Variants in NKAIN2 observed in about 807,000 individuals in gnomAD.
NKAIN2 encodes sodium/potassium transporting ATPase interacting 2.
Under a neutral mutation model 32.6 loss-of-function variants are expected in NKAIN2, and 14 were observed. The ratio of observed to expected loss-of-function variants is 0.43; its 90% confidence interval spans 0.28 to 0.67. The LOEUF (loss-of-function observed/expected upper bound fraction) is 0.67. Among genes scored for constraint, NKAIN2 ranks in the 30% least tolerant of loss-of-function variants. NKAIN2 has a pLI of 0.17. For missense variants in NKAIN2, 198 were observed against 258.3 expected (o/e 0.77, Z 1.60); for synonymous variants, 80 against 87.2 (o/e 0.92, Z 0.46).
chr6:124,119,334 A>G (rs1785764066), intron 1 of NKAIN2, among the ~76,000 whole-genome samples: 1 of 152,200 alleles, frequency 6.6e-6, no homozygotes, highest in Admixed American at 6.5e-5. Flanking sequence ...GTACAATAAT[A>G]AATCATGTGC....
chr6:124,303,757 G>A (rs1168360555), intron 2 of NKAIN2, among the ~76,000 whole-genome samples: 1 of 152,172 alleles, frequency 6.6e-6, no homozygotes, highest in East Asian at 1.9e-4. Flanking sequence ...AAGGGGAGAA[G>A]CACCTGAGTC....
chr6:124,082,958 A>G (rs952335882), intron 1 of NKAIN2, among the ~76,000 whole-genome samples: 6 of 151,996 alleles, frequency 3.9e-5, no homozygotes, highest in Admixed American at 3.9e-4. Context: ...ATAGGTGATC[A>G]TTATGCCTTT....
At chr6:124,345,276 A>G (rs183127456) in intron 2 of NKAIN2, among the ~76,000 whole-genome samples, 8,995 of 152,112 alleles carry the variant, frequency 0.059, 491 homozygotes, top group African/African-American at 0.14. Context: ...TTCATCAAGG[A>G]TATTGGTCTA....
chr6:124,174,194 T>G (rs1789041453), intron 1 of NKAIN2, among the ~76,000 whole-genome samples: 1 of 152,084 alleles, frequency 6.6e-6, no homozygotes, highest in African/African-American at 2.4e-5. Flanking sequence ...GAAACTTACT[T>G]AAGAGAACTC....
chr6:124,120,401 TC>T (rs1331589571), intron 1 of NKAIN2, among the ~76,000 whole-genome samples: 1 of 152,180 alleles, frequency 6.6e-6, no homozygotes, highest in East Asian at 1.9e-4. Context: ...AATAATAGTA[TC>T]AAGAGTAATA....
chr6:123,892,185 A>G (rs1418036165), intron 1 of NKAIN2, among the ~76,000 whole-genome samples: 1 of 152,204 alleles, frequency 6.6e-6, no homozygotes, highest in Non-Finnish European at 1.5e-5. Context: ...ACTGCATTAC[A>G]TACTTGGCCC....
intron 1 of NKAIN2, among the ~76,000 whole-genome samples, chr6:123,884,265 C>T (rs934567633): frequency 1.3e-5 from 2 of 152,162 alleles, no homozygotes; most frequent in East Asian, 3.9e-4. Context: ...CCATCCAGTC[C>T]GTGCAAAGAA....
At chr6:124,118,326 A>C (rs895326441) in intron 1 of NKAIN2, among the ~76,000 whole-genome samples, 1 of 152,210 alleles carries the variant, frequency 6.6e-6, no homozygotes, top group African/African-American at 2.4e-5. Flanking sequence ...GGAAACTCAA[A>C]TGAAGCCGAG....
rs190112001 is a variant in NKAIN2, at chr6:123,855,872, A to G, written c.54+51618A>G. ...TAAAATGATGGCTATGTTTTGAGGA[A>G]TACTAGGTTGGCCTTATTACTTGTA... On this transcript the variant is annotated intron_variant, in intron 1 of 6. Transcript: ENST00000368417. Among the ~76,000 whole-genome samples, 26 of 152,326 alleles carry G rather than the reference A, an allele frequency of 1.7e-4. No homozygotes were observed. In the East Asian group the frequency reaches 4.6e-3, roughly 27 times the overall value.
rs146189410 is a variant in NKAIN2 at position 123,921,084 on chromosome 6, G to A, written c.54+116830G>A. Among the ~76,000 whole-genome samples the A allele has an allele frequency of 7.2e-5, 11 of 152,260 alleles. No individual in the cohort carries two copies. The East Asian group carries it at 2.1e-3, about 29-fold the overall frequency. On this transcript the variant is annotated intron_variant, in intron 1 of 6. Transcript: ENST00000368417. ...ACAGTGGACAATGGAAATAAGAGTGGAATATCAAGGCAGAGGGAAAATTCA... is the reference window on the plus strand; with the variant it reads ...ACAGTGGACAATGGAAATAAGAGTGAAATATCAAGGCAGAGGGAAAATTCA...
chr6:124,476,384 T>C (rs190230898), intron 3 of NKAIN2, among the ~76,000 whole-genome samples: 1 of 147,692 alleles, frequency 6.8e-6, no homozygotes, highest in Non-Finnish European at 1.5e-5. Flanking sequence ...TGAATTCATA[T>C]GTATGTATGT....
chr6:124,223,038 C>G (rs1227099404), intron 1 of NKAIN2, among the ~76,000 whole-genome samples: 1 of 151,632 alleles, frequency 6.6e-6, no homozygotes, highest in African/African-American at 2.4e-5. Context: ...ATGGTGAAAC[C>G]CTGTCTCTAC....
At chr6:124,051,363 A>ATAG (rs1174544267) in intron 1 of NKAIN2, among the ~76,000 whole-genome samples, 1 of 152,066 alleles carries the variant, frequency 6.6e-6, no homozygotes, top group African/African-American at 2.4e-5. Context: ...TTTTTTAATA[A>ATAG]TAGTGACTCA....
intron 1 of NKAIN2, among the ~76,000 whole-genome samples, chr6:124,083,697 G>A (rs985489245): frequency 1.3e-5 from 2 of 151,932 alleles, no homozygotes; most frequent in African/African-American, 2.4e-5. Context: ...ATTATCTGTA[G>A]CAATTGGTCT....
rs576088528 is a variant in NKAIN2 at position 124,825,408 on chromosome 6, A to T, written c.*2179A>T. 1.3e-4 allele frequency: 20 copies of T among 152,736 alleles called. No individual in the cohort carries two copies. Among genetic ancestry groups the T allele is most frequent in the African/African-American group, 4.6e-4 (19 of 41,570 alleles). The allele number at this position is 152,736 out of a possible 1,614,324, so 9.5% of individuals were successfully genotyped here. On this transcript the variant is annotated 3_prime_UTR_variant, in exon 7 of 7. Coordinates refer to ENST00000368417, the MANE Select transcript of NKAIN2 (RefSeq NM_001040214.3). Reference sequence around the variant, plus strand: ...TCAGTAAGCACAGTAGTGTGATTATATCTGGGAAAACATCTACAGTTGTAC... The same window carrying T: ...TCAGTAAGCACAGTAGTGTGATTATTTCTGGGAAAACATCTACAGTTGTAC...
intron 1 of NKAIN2, among the ~76,000 whole-genome samples, chr6:124,048,681 A>G (rs1333791126): frequency 6.6e-6 from 1 of 152,060 alleles, no homozygotes; most frequent in East Asian, 1.9e-4. Context: ...ATTCTTGGGG[A>G]TATTTCTGTG....
At chr6:124,442,444 A>G (rs1018746437) in intron 3 of NKAIN2, among the ~76,000 whole-genome samples, 5 of 151,936 alleles carry the variant, frequency 3.3e-5, no homozygotes, top group African/African-American at 1.2e-4. Context: ...TCTGCCAGCT[A>G]GTTATAAAGG....
At chr6:124,346,535 A>G (rs2115106265) in intron 2 of NKAIN2, among the ~76,000 whole-genome samples, 1 of 152,274 alleles carries the variant, frequency 6.6e-6, no homozygotes, top group South Asian at 2.1e-4. Context: ...GGGTGCATAT[A>G]TATTTAGGAC....
chr6:124,648,857 T>C (rs148771943), intron 3 of NKAIN2, among the ~76,000 whole-genome samples: 290 of 152,158 alleles, frequency 1.9e-3, no homozygotes, highest in African/African-American at 6.8e-3. Context: ...AATCCCAAAA[T>C]ACATGGAGAT....
Sources: gnomAD v4.1 joint callset for allele counts (sites outside exome capture counted in the v4.1 genomes callset) on GRCh38, gnomAD v4.1.1 for gene constraint, MANE v1.5 for transcripts, NCBI Gene and HGNC (gene_info 2026-07-23, HGNC 2026-07-21) for gene names.